GRM8: variants seen among roughly 807,000 people sequenced by gnomAD.
The protein encoded by GRM8 is glutamate metabotropic receptor 8.
Under a neutral mutation model 87.2 loss-of-function variants are expected in GRM8, and 47 were observed. The ratio of observed to expected loss-of-function variants is 0.54; its 90% CI spans 0.43 to 0.69. The LOEUF (loss-of-function observed/expected upper bound fraction) is 0.69, where lower values mean the gene tolerates loss of function less well. Among genes scored for constraint, GRM8 ranks in the 30% least tolerant of loss-of-function variants. The pLI, the probability that GRM8 is intolerant of heterozygous loss-of-function variation, is 0.00. For synonymous variants in GRM8, 396 were observed against 404.5 expected (o/e 0.98, Z 0.25); for missense variants, 1,019 against 1,139.2 (o/e 0.89, Z 1.52).
intron 3 of GRM8, among the ~76,000 whole-genome samples, chr7:127,099,535 C>T (rs1224934662): frequency 6.6e-6 from 1 of 152,306 alleles, no homozygotes; most frequent in South Asian, 2.1e-4. Context: ...TCACTTACCC[C>T]AGTCTGGAAC....
At chr7:127,076,064 T>A (rs761343653) in intron 3 of GRM8, 3 of 431,290 alleles carry the variant, frequency 7.0e-6, no homozygotes, top group Non-Finnish European at 1.4e-5. Context: ...GTCAAAAACA[T>A]TGTATGTAAG....
chr7:127,124,249 A>T (rs559772407), intron 2 of GRM8, among the ~76,000 whole-genome samples: 2 of 152,272 alleles, frequency 1.3e-5, no homozygotes, highest in Admixed American at 1.3e-4. Context: ...TTCAGCATTG[A>T]GACCGGCTTT....
intron 1 of GRM8, among the ~76,000 whole-genome samples, chr7:127,245,272 C>A (rs1279167719): frequency 6.6e-6 from 1 of 152,186 alleles, no homozygotes; most frequent in African/African-American, 2.4e-5. Flanking sequence ...ACTCTGATCA[C>A]TAGTTGAGAA....
chr7:126,792,424 G>A (rs1367472977), intron 6 of GRM8, among the ~76,000 whole-genome samples: 2 of 152,200 alleles, frequency 1.3e-5, no homozygotes, highest in African/African-American at 2.4e-5. Flanking sequence ...CCCTGCTTAA[G>A]TAGAACCTCT....
rs768286518 is a variant in GRM8 at position 126,533,594 on chromosome 7, G to A, written c.1788C>T (p.Ile596=). The A allele has an allele frequency of 1.1e-5, 18 of 1,613,910 alleles. No individual in the cohort carries two copies. Among genetic ancestry groups the A allele is most frequent in the East Asian group, 2.2e-5 (1 of 44,858 alleles). The change falls in exon 9 of 11, where the codon ATC becomes ATT. Residue 596 remains isoleucine, a synonymous_variant. Coordinates refer to ENST00000339582, the MANE Select transcript of GRM8 (RefSeq NM_000845.3). ...AGGTCACGATCACAAAGGTGGTGGC[G>A]ATGATTCCCAATATTGCAACAAACA... ...VPVFVAILGI[I]ATTFVIVTFV...
chr7:127,209,035 T>G (rs1796068581), intron 2 of GRM8, among the ~76,000 whole-genome samples: 1 of 152,194 alleles, frequency 6.6e-6, no homozygotes, highest in Non-Finnish European at 1.5e-5. Flanking sequence ...AAAATGAAGT[T>G]CTGCTTGGTG....
chr7:127,046,775 A>G (rs565192423), intron 3 of GRM8, among the ~76,000 whole-genome samples: 2 of 152,268 alleles, frequency 1.3e-5, no homozygotes, highest in South Asian at 4.1e-4. Context: ...CCTTATAAAC[A>G]TTTCTCTTTC....
At chr7:127,192,521 C>T (rs944754116) in intron 2 of GRM8, among the ~76,000 whole-genome samples, 2 of 152,150 alleles carry the variant, frequency 1.3e-5, no homozygotes, top group African/African-American at 4.8e-5. Flanking sequence ...TGCTCTCACC[C>T]GATAGGTTTG....
chr7:126,912,615 G>C (rs1017525433), intron 3 of GRM8, among the ~76,000 whole-genome samples: 5 of 152,202 alleles, frequency 3.3e-5, no homozygotes, highest in African/African-American at 1.2e-4. Context: ...ACTTGGCCAA[G>C]GCAGCTCTCT....
At chr7:126,617,215 G>T (rs1228309473) in intron 7 of GRM8, among the ~76,000 whole-genome samples, 3 of 152,082 alleles carry the variant, frequency 2.0e-5, no homozygotes, top group Non-Finnish European at 4.4e-5. Flanking sequence ...TGCAAGGCTG[G>T]TTCAACATAC....
chr7:126,769,825 C>A (rs751621712), intron 7 of GRM8, 40 bp downstream of exon 7: 3 of 1,331,714 alleles, frequency 2.3e-6, no homozygotes, highest in African/African-American at 2.9e-5. Flanking sequence ...CACACCCTGT[C>A]GCTTTTAATG....
intron 6 of GRM8, among the ~76,000 whole-genome samples, chr7:126,816,251 T>C (rs969635967): frequency 1.3e-5 from 2 of 152,110 alleles, no homozygotes; most frequent in African/African-American, 2.4e-5. Flanking sequence ...TATCAGAGCA[T>C]GTATAGTATC....
intron 2 of GRM8, among the ~76,000 whole-genome samples, chr7:127,234,482 A>C (rs1303429587): frequency 6.6e-6 from 1 of 152,236 alleles, no homozygotes; most frequent in Admixed American, 6.5e-5. Context: ...ACAGAAATCC[A>C]ACCAGGTGTG....
intron 3 of GRM8, among the ~76,000 whole-genome samples, chr7:126,994,318 C>T (rs1455551596): frequency 1.3e-5 from 2 of 152,276 alleles, no homozygotes; most frequent in Admixed American, 1.3e-4. Flanking sequence ...GCCCCCGAAC[C>T]CTGAATCACC....
At chr7:126,579,696 T>C (rs896273890) in intron 8 of GRM8, among the ~76,000 whole-genome samples, 1 of 152,200 alleles carries the variant, frequency 6.6e-6, no homozygotes, top group African/African-American at 2.4e-5. Flanking sequence ...GGAGTGTCCA[T>C]AATTTGTCAA....
intron 9 of GRM8, among the ~76,000 whole-genome samples, chr7:126,504,469 G>T (rs553581109): frequency 6.6e-6 from 1 of 151,934 alleles, no homozygotes; most frequent in East Asian, 1.9e-4. Context: ...CCAGTGTACT[G>T]ATGACTTTGC....
rs1812645599 is a variant in GRM8 at position 126,991,417 on chromosome 7, A to G, written c.728-86734T>C. On this transcript the variant is annotated intron_variant, in intron 3 of 10. Transcript: ENST00000339582. Reference sequence around the variant, plus strand: ...AGTAAAAGACTGTGTTCCGAAGCCTAGAGACTTTCCATTTATAGCTTTCCA... The same window carrying G: ...AGTAAAAGACTGTGTTCCGAAGCCTGGAGACTTTCCATTTATAGCTTTCCA... Among the ~76,000 whole-genome samples, 4 of 151,960 alleles carry G rather than the reference A, an allele frequency of 2.6e-5. No individual in the cohort carries two copies. In the South Asian group the frequency reaches 8.3e-4, roughly 31 times the overall value.
At position 126,929,587 on chromosome 7, in the gene GRM8, C is replaced by G. The variant is rs1447472648; in HGVS notation, c.728-24904G>C. Among the ~76,000 whole-genome samples, 5 of 152,182 alleles carry G rather than the reference C, an allele frequency of 3.3e-5. No individual in the cohort carries two copies. In the East Asian group the frequency reaches 9.7e-4, roughly 29 times the overall value. On this transcript the variant is annotated intron_variant, in intron 3 of 10. Coordinates refer to ENST00000339582, the MANE Select transcript of GRM8 (RefSeq NM_000845.3). Reference sequence around the variant, plus strand: ...TAGCTGGGACTGCAGGCACAGGCCACTATGCCTGGCTAATTTTTATATTTT... The same window carrying G: ...TAGCTGGGACTGCAGGCACAGGCCAGTATGCCTGGCTAATTTTTATATTTT...
intron 2 of GRM8, among the ~76,000 whole-genome samples, chr7:127,199,134 C>A (rs1331206894): frequency 6.9e-6 from 1 of 144,854 alleles, no homozygotes; most frequent in Non-Finnish European, 1.6e-5. Flanking sequence ...AGCCACCGCA[C>A]CCGGCTTTTT....
Sources: gnomAD v4.1 joint callset for allele counts (sites outside exome capture counted in the v4.1 genomes callset) on GRCh38, gnomAD v4.1.1 for gene constraint, MANE v1.5 for transcripts, NCBI Gene and HGNC (gene_info 2026-07-23, HGNC 2026-07-21) for gene names.